The following CTXND2 variants were observed in gnomAD, a reference collection of about 807,000 sequenced individuals.
CTXND2 encodes the protein cortexin domain containing 2.
chr1:150,905,538 C>A (rs1035022788), intron 1 of CTXND2, among the ~76,000 whole-genome samples: 2 of 152,108 alleles, frequency 1.3e-5, no homozygotes, highest in Non-Finnish European at 2.9e-5. Context: ...TACCCTGTTG[C>A]CCCAGAATTG....
At chr1:150,905,378 A>C (rs1558001748) in intron 1 of CTXND2, among the ~76,000 whole-genome samples, 1 of 129,986 alleles carries the variant, frequency 7.7e-6, no homozygotes, top group Non-Finnish European at 1.7e-5. Flanking sequence ...TCCTGACCTC[A>C]GGTGATCCCC....
chr1:150,901,039 G>C (rs913565914), intron 1 of CTXND2, among the ~76,000 whole-genome samples: 4 of 152,244 alleles, frequency 2.6e-5, no homozygotes, highest in African/African-American at 9.6e-5. Context: ...TTGAGCCCAG[G>C]AGGTTGAGGC....
chr1:150,910,928 C>T (rs914641300), intron 1 of CTXND2, among the ~76,000 whole-genome samples: 8 of 152,052 alleles, frequency 5.3e-5, no homozygotes, highest in Non-Finnish European at 1.2e-4. Flanking sequence ...CCTCAGCCTC[C>T]GGAGTAGCTG....
At chr1:150,909,783 G>A (rs1269441176) in intron 1 of CTXND2, among the ~76,000 whole-genome samples, 1 of 152,136 alleles carries the variant, frequency 6.6e-6, no homozygotes, top group Non-Finnish European at 1.5e-5. Context: ...GACAGGTATT[G>A]CCAAAGAAGA....
chr1:150,911,094 G>A (rs1669248444), intron 1 of CTXND2, among the ~76,000 whole-genome samples: 1 of 151,724 alleles, frequency 6.6e-6, no homozygotes, highest in Non-Finnish European at 1.5e-5. Flanking sequence ...ATGAGCCATC[G>A]TGCCTGGCCA....
intron 1 of CTXND2, among the ~76,000 whole-genome samples, chr1:150,890,621 A>G (rs1372819678): frequency 6.6e-6 from 1 of 152,080 alleles, no homozygotes; most frequent in African/African-American, 2.4e-5. Flanking sequence ...ATCCTGCCTC[A>G]GCCTCCCAAG....
At chr1:150,901,186 G>C (rs587722144) in intron 1 of CTXND2, among the ~76,000 whole-genome samples, 1 of 140,726 alleles carries the variant, frequency 7.1e-6, no homozygotes, top group East Asian at 2.0e-4. Flanking sequence ...ATACATTTAA[G>C]AAAAGCAATG....
intron 1 of CTXND2, among the ~76,000 whole-genome samples, chr1:150,891,632 C>T (rs1557998224): frequency 6.6e-6 from 1 of 152,172 alleles, no homozygotes; most frequent in East Asian, 1.9e-4. Flanking sequence ...ACACAAGGTC[C>T]CTTGTGAGCT....
At chr1:150,898,025 C>T (rs1452970142) in intron 1 of CTXND2, among the ~76,000 whole-genome samples, 4 of 152,156 alleles carry the variant, frequency 2.6e-5, no homozygotes, top group Non-Finnish European at 5.9e-5. Flanking sequence ...ACCCATTAAA[C>T]CACTTTTCAA....
chr1:150,909,256 A>T (rs950003989), intron 1 of CTXND2, among the ~76,000 whole-genome samples: 1 of 149,404 alleles, frequency 6.7e-6, no homozygotes, highest in Non-Finnish European at 1.5e-5. Flanking sequence ...AAAAAAAAAA[A>T]GTACAAAAGT....
At chr1:150,902,275 T>G (rs1156680188) in intron 1 of CTXND2, among the ~76,000 whole-genome samples, 1 of 151,346 alleles carries the variant, frequency 6.6e-6, no homozygotes, top group African/African-American at 2.4e-5. Context: ...GGCGTGGTGG[T>G]GGGTGCCTGT....
At chr1:150,906,271 C>T (rs1356350459) in intron 1 of CTXND2, among the ~76,000 whole-genome samples, 6 of 152,038 alleles carry the variant, frequency 3.9e-5, no homozygotes, top group African/African-American at 1.2e-4. Flanking sequence ...TGCACTCCAG[C>T]CTGGGTGACA....
At chr1:150,902,286 A>G (rs1471171759) in intron 1 of CTXND2, among the ~76,000 whole-genome samples, 1 of 151,998 alleles carries the variant, frequency 6.6e-6, no homozygotes, top group Non-Finnish European at 1.5e-5. Flanking sequence ...GGGTGCCTGT[A>G]GTCCCAGCTA....
intron 1 of CTXND2, among the ~76,000 whole-genome samples, chr1:150,895,795 C>G (rs2102595709): frequency 6.6e-6 from 1 of 152,332 alleles, no homozygotes; most frequent in East Asian, 1.9e-4. Flanking sequence ...TAGCCAGAGA[C>G]TAGACTATTG....
chr1:150,901,899 C>A (rs1265127169), intron 1 of CTXND2, among the ~76,000 whole-genome samples: 1 of 150,844 alleles, frequency 6.6e-6, no homozygotes, highest in Non-Finnish European at 1.5e-5. Flanking sequence ...GCACTCCAGC[C>A]TGGGCGACAG....
At chr1:150,908,845 A>G (rs987139606) in intron 1 of CTXND2, among the ~76,000 whole-genome samples, 2 of 151,842 alleles carry the variant, frequency 1.3e-5, no homozygotes, top group African/African-American at 4.8e-5. Flanking sequence ...GCTGGTCTCA[A>G]ACTCCTGACC....
At chr1:150,902,014 C>G (rs1422689839) in intron 1 of CTXND2, among the ~76,000 whole-genome samples, 1 of 152,002 alleles carries the variant, frequency 6.6e-6, no homozygotes, top group African/African-American at 2.4e-5. Context: ...TCCTGTAATC[C>G]CAGGACTTTG....
At chr1:150,888,219 AT>A (rs35992777) in intron 1 of CTXND2, among the ~76,000 whole-genome samples, 256 of 75,086 alleles carry the variant, frequency 3.4e-3, no homozygotes, top group Admixed American at 5.6e-3. Flanking sequence ...TACCTAATTT[AT>A]TTTTTTTTTT....
chr1:150,907,372 T>C (rs1382798341), intron 1 of CTXND2, among the ~76,000 whole-genome samples: 1 of 152,228 alleles, frequency 6.6e-6, no homozygotes, highest in East Asian at 1.9e-4. Flanking sequence ...CTAATCTGTC[T>C]CTATAGATTT....
Sources: allele counts gnomAD v4.1 joint callset (sites outside exome capture counted in the v4.1 genomes callset), GRCh38; gene constraint gnomAD v4.1.1; transcripts MANE v1.5; gene names NCBI Gene and HGNC (gene_info 2026-07-23, HGNC 2026-07-21).